The following LRRC4C variants were observed in gnomAD, a reference collection of about 807,000 sequenced individuals.
LRRC4C encodes leucine rich repeat containing 4C.
LRRC4C carries 5 observed loss-of-function variants against 33.6 expected under a neutral mutation model. That is an observed-to-expected ratio of 0.15 (90% CI 0.08 to 0.31). The LOEUF is 0.31. Ranked by LOEUF, LRRC4C falls within the 10% of genes least tolerant of loss-of-function variation. The probability of loss-of-function intolerance (pLI) is 1.00; values close to 1 mark genes in which losing one functional copy is unlikely to be tolerated. For synonymous variants in LRRC4C, 329 were observed against 302.0 expected (o/e 1.09, Z -0.93); for missense variants, 560 against 796.7 (o/e 0.70, Z 3.58).
intron 3 of LRRC4C, among the ~76,000 whole-genome samples, chr11:40,614,701 T>C (rs145061307): frequency 1.3e-5 from 2 of 151,664 alleles, no homozygotes; most frequent in African/African-American, 4.8e-5. Flanking sequence ...GCCATGTGAG[T>C]CTTCCCTTCA....
At chr11:40,222,599 T>G (rs947061077) in intron 5 of LRRC4C, among the ~76,000 whole-genome samples, 5 of 152,246 alleles carry the variant, frequency 3.3e-5, no homozygotes, top group African/African-American at 1.2e-4. Flanking sequence ...CATTTTGGAT[T>G]GCTTCTGAAC....
At chr11:41,057,464 G>A (rs925356195) in intron 1 of LRRC4C, among the ~76,000 whole-genome samples, 1 of 152,194 alleles carries the variant, frequency 6.6e-6, no homozygotes, top group Admixed American at 6.5e-5. Flanking sequence ...GGAAGGGGGC[G>A]GGCCCCCTAA....
intron 2 of LRRC4C, among the ~76,000 whole-genome samples, chr11:40,782,886 G>A (rs766079011): frequency 1.3e-5 from 2 of 151,976 alleles, no homozygotes; most frequent in Non-Finnish European, 2.9e-5. Context: ...ACATACACAT[G>A]TTTATACATA....
intron 3 of LRRC4C, among the ~76,000 whole-genome samples, chr11:40,443,605 A>T (rs1321523489): frequency 6.6e-6 from 1 of 152,148 alleles, no homozygotes; most frequent in African/African-American, 2.4e-5. Context: ...CCCTGAGGAG[A>T]CAGATCAGTA....
intron 3 of LRRC4C, among the ~76,000 whole-genome samples, chr11:40,635,676 G>T (rs182154302): frequency 0.045 from 5,404 of 119,866 alleles, 348 homozygotes; most frequent in African/African-American, 0.16. Context: ...TCGCTCTGTC[G>T]CCCAGGCTAG....
intron 1 of LRRC4C, among the ~76,000 whole-genome samples, chr11:41,267,677 A>G (rs968680206): frequency 3.3e-5 from 5 of 152,124 alleles, no homozygotes; most frequent in African/African-American, 1.2e-4. Flanking sequence ...GATTTGAAAC[A>G]TAATATTCCT....
chr11:40,998,411 C>A (rs1346000539), intron 1 of LRRC4C, among the ~76,000 whole-genome samples: 1 of 151,996 alleles, frequency 6.6e-6, no homozygotes, highest in Admixed American at 6.6e-5. Flanking sequence ...AATCTGGGAT[C>A]TAATAAAAAA....
At chr11:40,952,888 A>ACC (rs1958774735) in intron 1 of LRRC4C, among the ~76,000 whole-genome samples, 1 of 55,104 alleles carries the variant, frequency 1.8e-5, no homozygotes, top group Non-Finnish European at 5.1e-5. Flanking sequence ...ACACACACAC[A>ACC]CACACACACT....
At chr11:41,197,070 T>G (rs1477269722) in intron 1 of LRRC4C, among the ~76,000 whole-genome samples, 1 of 152,034 alleles carries the variant, frequency 6.6e-6, no homozygotes, top group East Asian at 1.9e-4. Flanking sequence ...TCAAGGAAAT[T>G]CTGTGCATGG....
At chr11:40,922,557 G>A (rs955661364) in intron 2 of LRRC4C, among the ~76,000 whole-genome samples, 1 of 152,084 alleles carries the variant, frequency 6.6e-6, no homozygotes, top group African/African-American at 2.4e-5. Context: ...TTATGCATGT[G>A]GTAAAAGATG....
chr11:40,602,888 G>A (rs1327327550), intron 3 of LRRC4C, among the ~76,000 whole-genome samples: 1 of 152,074 alleles, frequency 6.6e-6, no homozygotes, highest in Admixed American at 6.6e-5. Flanking sequence ...TTTGGTCATT[G>A]GCCCAAGAAA....
intron 2 of LRRC4C, among the ~76,000 whole-genome samples, chr11:40,684,866 TA>T (rs568361459): frequency 3.3e-5 from 5 of 152,038 alleles, no homozygotes; most frequent in African/African-American, 7.2e-5. Context: ...TTATTTCTCA[TA>T]AAAAAGATGA....
At chr11:40,789,695 G>T (rs1455663001) in intron 2 of LRRC4C, among the ~76,000 whole-genome samples, 1 of 152,148 alleles carries the variant, frequency 6.6e-6, no homozygotes, top group Non-Finnish European at 1.5e-5. Context: ...AAATGTTTCT[G>T]TAAGATGAAA....
intron 3 of LRRC4C, among the ~76,000 whole-genome samples, chr11:40,545,183 C>T (rs916201516): frequency 1.3e-5 from 2 of 151,934 alleles, no homozygotes; most frequent in Non-Finnish European, 1.5e-5. Context: ...TAATAATAAC[C>T]ATACCATGTT....
intron 1 of LRRC4C, among the ~76,000 whole-genome samples, chr11:41,251,439 G>A (rs1948635322): frequency 6.6e-6 from 1 of 152,110 alleles, no homozygotes; most frequent in Non-Finnish European, 1.5e-5. Context: ...ATATCTCTCT[G>A]TATAAAGTGT....
At chr11:41,441,594 A>G (rs1400319778) in intron 1 of LRRC4C, among the ~76,000 whole-genome samples, 7 of 129,362 alleles carry the variant, frequency 5.4e-5, no homozygotes, top group African/African-American at 1.7e-4. Flanking sequence ...GGCCTCTGAG[A>G]AAATTTATTT....
intron 2 of LRRC4C, among the ~76,000 whole-genome samples, chr11:40,891,214 G>A (rs1248606893): frequency 6.6e-6 from 1 of 152,072 alleles, no homozygotes; most frequent in East Asian, 1.9e-4. Flanking sequence ...TCCAGCCTGG[G>A]CAACAAGAGG....
chr11:40,926,337 G>T (rs1957406019), intron 2 of LRRC4C, among the ~76,000 whole-genome samples: 1 of 151,952 alleles, frequency 6.6e-6, no homozygotes, highest in Non-Finnish European at 1.5e-5. Context: ...GGACAAAAAT[G>T]GACAACTAAT....
At chr11:40,701,831 T>C (rs1220351076) in intron 2 of LRRC4C, among the ~76,000 whole-genome samples, 1 of 151,742 alleles carries the variant, frequency 6.6e-6, no homozygotes, top group Admixed American at 6.6e-5. Context: ...TAAAAAATCA[T>C]TTTACTTTCC....
Sources: gnomAD v4.1 joint callset for allele counts (sites outside exome capture counted in the v4.1 genomes callset) on GRCh38, gnomAD v4.1.1 for gene constraint, MANE v1.5 for transcripts, NCBI Gene and HGNC (gene_info 2026-07-23, HGNC 2026-07-21) for gene names.